SLC66A1: variants seen among roughly 807,000 people sequenced by gnomAD.
SLC66A1 encodes the protein lysosomal amino acid transporter 1 homolog.
Under a neutral mutation model 33.0 loss-of-function variants are expected in SLC66A1, and 23 were observed. The observed-to-expected ratio is 0.70, with a 90% CI of 0.50 to 0.99. SLC66A1 has a LOEUF of 0.99. SLC66A1 is among the 50% of genes least tolerant of loss of function. The pLI is 0.00. For missense variants in SLC66A1, 335 were observed against 383.6 expected, an observed-to-expected ratio of 0.87 and a Z score of 1.06; for synonymous variants, 164 against 175.5, an observed-to-expected ratio of 0.93 and a Z score of 0.52.
intron 1 of SLC66A1, chr1:19,313,276 C>A (rs2093787020): frequency 1.0e-6 from 1 of 983,254 alleles, no homozygotes; most frequent in Non-Finnish European, 1.2e-6. Flanking sequence ...AGCTTTCTCC[C>A]CTTCCTTTCT....
rs545528948 is a variant in SLC66A1 at position 19,327,121 on chromosome 1, T to G, written c.619-106T>G. 5 of 1,166,688 alleles carry G rather than the reference T, an allele frequency of 4.3e-6. No individual in the cohort carries two copies. In the African/African-American group the frequency reaches 7.7e-5, roughly 18 times the overall value. 72.3% of individuals were successfully genotyped at this position (1,166,688 alleles called of 1,614,324 possible). On this transcript the variant is annotated intron_variant, in intron 6 of 7. Coordinates refer to ENST00000375153, the MANE Select transcript of SLC66A1 (RefSeq NM_001040125.2). ...CCTGGGCACCCAGGGAAAGATTGGC[T>G]CAGAGCAGGTGCACTGTGGTGGGGC...
At chr1:19,313,018 C>T (rs1569715239) in intron 1 of SLC66A1, 129 bp downstream of exon 1, 1 of 167,146 alleles carries the variant, frequency 6.0e-6, no homozygotes, top group Non-Finnish European at 1.2e-5. Flanking sequence ...GGAGGGGCTA[C>T]AATGAGAACA....
downstream of SLC66A1, among the ~76,000 whole-genome samples, chr1:19,332,198 G>A (rs1455405306): frequency 6.6e-6 from 1 of 152,202 alleles, no homozygotes; most frequent in African/African-American, 2.4e-5. Context: ...CTGGAGGCAG[G>A]TGACGGGGAG....
intron 7 of SLC66A1, 31 bp downstream of exon 7, chr1:19,327,443 G>C: frequency 1.3e-6 from 2 of 1,569,222 alleles, no homozygotes; most frequent in Non-Finnish European, 8.7e-7. Flanking sequence ...GGCAGGTGGC[G>C]GGGTGTGGGC....
chr1:19,319,605 G>GTTTTTTTTTTGTTTTTTTTTTGTTTT (rs56769657), intron 2 of SLC66A1, among the ~76,000 whole-genome samples: 2 of 111,870 alleles, frequency 1.8e-5, no homozygotes, highest in African/African-American at 8.1e-5. Context: ...GCACATTCAT[G>GTTTTTTTTTTGTTTTTTTTTTGTTTT]TTTTTTTTTT....
In SLC66A1 at chr1:19,325,496, C is replaced by T. The variant is rs1184005502; in HGVS notation, c.296C>T (p.Thr99Ile). Residue 99 changes from threonine to isoleucine, a missense_variant and splice_region_variant, in exon 4 of 8, where the codon ACC (threonine) becomes ATC (isoleucine). Thr to Ile is a moderately conservative substitution (Grantham distance 89, BLOSUM62 -1). Coordinates refer to ENST00000375153, the MANE Select transcript of SLC66A1 (RefSeq NM_001040125.2). ...CTGGGCCCCCTGCATCTCTTACAGACCTACACGGCTGTGTATTATGTCTTG... is the reference window on the plus strand; with the variant it reads ...CTGGGCCCCCTGCATCTCTTACAGATCTACACGGCTGTGTATTATGTCTTG... Reference protein sequence around the residue: ...SFLADQLPLQTYTAVYYVLAD... With the variant: ...SFLADQLPLQIYTAVYYVLAD... 1 of 1,602,442 alleles carries T rather than the reference C, an allele frequency of 6.2e-7. No individual in the cohort carries two copies. Among genetic ancestry groups the T allele is most frequent in the Non-Finnish European group, 8.5e-7 (1 of 1,170,006 alleles).
chr1:19,322,156 A>G (rs2093841094), intron 2 of SLC66A1, among the ~76,000 whole-genome samples: 1 of 147,358 alleles, frequency 6.8e-6, no homozygotes, highest in South Asian at 2.2e-4. Context: ...AGCAAGCATC[A>G]GTGGTGGGGG....
intron 1 of SLC66A1, among the ~76,000 whole-genome samples, chr1:19,314,598 A>G (rs148704910): frequency 1.3e-5 from 2 of 152,304 alleles, no homozygotes; most frequent in African/African-American, 4.8e-5. Context: ...CTTTATGTGC[A>G]TTTAGTCAGG....
intron 3 of SLC66A1, 115 bp downstream of exon 3, chr1:19,324,877 C>A: frequency 7.2e-7 from 1 of 1,389,720 alleles, no homozygotes; most frequent in Non-Finnish European, 9.7e-7. Flanking sequence ...CCTGACCCGT[C>A]ATTCCATCTT....
In SLC66A1 at chr1:19,319,605, G is replaced by GTTTTTTTTTTT. The variant is rs569177720; in HGVS notation, c.164+1770_164+1780dup. Among the ~76,000 whole-genome samples the GTTTTTTTTTTT allele has an allele frequency of 2.1e-4, 23 of 111,852 alleles. 3 individuals are homozygous for GTTTTTTTTTTT. Among genetic ancestry groups the GTTTTTTTTTTT allele is most frequent in the African/African-American group, 4.4e-4 (11 of 24,840 alleles). The allele number at this position is 111,852 out of a possible 152,430, so 73.4% of individuals were successfully genotyped here. ...GATTAATGTTGCTGTGCACATTCAT[G>GTTTTTTTTTTT]TTTTTTTTTTTTTTTTGCCTGGTGC... On this transcript the variant is annotated intron_variant, in intron 2 of 7. Transcript: ENST00000375153.
At chr1:19,318,738 G>A (rs1336588306) in intron 2 of SLC66A1, among the ~76,000 whole-genome samples, 2 of 151,640 alleles carry the variant, frequency 1.3e-5, no homozygotes, top group Admixed American at 6.6e-5. Context: ...ACTTGAGGTC[G>A]GGAGTTTGAG....
chr1:19,326,189 C>A, intron 4 of SLC66A1, 56 bp from the exon 5 acceptor site: 4 of 1,547,236 alleles, frequency 2.6e-6, no homozygotes, highest in Admixed American at 1.7e-5. Flanking sequence ...CACCCTCCCC[C>A]GACAACCGCT....
In SLC66A1 at chr1:19,326,617, C is replaced by T. The variant is rs376496730; in HGVS notation, c.612C>T (p.Arg204=). ...TGCTTTCCCGGCTGCCTCAGATCCG[C>T]ACCAACGTGAGCCTCCAGCAGGGGC... ...LYLLSRLPQI[R]TNFLRKSTQG... The change falls in exon 6 of 8, where the codon CGC becomes CGT. Residue 204 remains arginine (R), a synonymous_variant. Coordinates refer to ENST00000375153, the MANE Select transcript of SLC66A1 (RefSeq NM_001040125.2). 5.2e-5 allele frequency: 84 copies of T among 1,614,158 alleles called. No individual in the cohort carries two copies. In the African/African-American group the frequency reaches 8.9e-4, roughly 17 times the overall value.
chr1:19,327,279 T>C lies in SLC66A1; in HGVS notation c.671T>C (p.Met224Thr). 1.2e-6 allele frequency: 2 copies of C among 1,613,966 alleles called. No homozygotes were observed. The highest frequency in any genetic ancestry group is 1.7e-6 in the Non-Finnish European group (2 of 1,179,942). ...TCCTACTCTCTGTTCGCGCTGGTGA[T>C]GCTGGGGAACACGCTGTATGGGCTG... The part of the protein sequence containing the change: ...GISYSLFALV[M>T]LGNTLYGLSV... The change falls in exon 7 of 8, where the codon ATG (methionine) becomes ACG (threonine). Residue 224 changes from methionine to threonine, a missense_variant. Transcript: ENST00000375153.
intron 4 of SLC66A1, 44 bp downstream of exon 4, chr1:19,325,626 A>AG: frequency 1.1e-6 from 1 of 921,226 alleles, no homozygotes; most frequent in Non-Finnish European, 1.6e-6. Context: ...TACCAGCAGC[A>AG]GGGGGCAGTT....
At chr1:19,325,409 C>T in intron 3 of SLC66A1, 86 bp from the exon 4 acceptor site, 1 of 924,714 alleles carries the variant, frequency 1.1e-6, no homozygotes, top group Admixed American at 1.9e-5. Context: ...CCGGGTCACC[C>T]AGCTGGGATA....
In SLC66A1 at chr1:19,319,605, G is replaced by GTT. The variant is rs569177720; in HGVS notation, c.164+1779_164+1780dup. Reference sequence around the variant, plus strand: ...GATTAATGTTGCTGTGCACATTCATGTTTTTTTTTTTTTTTTGCCTGGTGC... The same window carrying GTT: ...GATTAATGTTGCTGTGCACATTCATGTTTTTTTTTTTTTTTTTTGCCTGGTGC... On this transcript the variant is annotated intron_variant, in intron 2 of 7. Transcript: ENST00000375153. 1.6e-4 allele frequency among the ~76,000 whole-genome samples: 18 copies of GTT among 111,860 alleles called. 4 individuals carry two copies. The highest frequency in any genetic ancestry group is 2.8e-4 in the Admixed American group (3 of 10,578). 73.4% of individuals were successfully genotyped at this position (111,860 alleles called of 152,430 possible).
intron 2 of SLC66A1, among the ~76,000 whole-genome samples, chr1:19,323,596 G>A (rs768498173): frequency 6.6e-5 from 10 of 151,952 alleles, no homozygotes; most frequent in Middle Eastern, 3.4e-3. Flanking sequence ...TGGTAGAGAT[G>A]GGGTTTCACC....
intron 7 of SLC66A1, 57 bp downstream of exon 7, chr1:19,327,469 T>A (rs1202849491): frequency 3.9e-6 from 6 of 1,545,202 alleles, no homozygotes; most frequent in Non-Finnish European, 5.3e-6. Context: ...AGCTTCTGCC[T>A]GCACACAGCG....
Sources: gnomAD v4.1 joint callset for allele counts (sites outside exome capture counted in the v4.1 genomes callset) on GRCh38, gnomAD v4.1.1 for gene constraint, MANE v1.5 for transcripts, NCBI Gene and HGNC (gene_info 2026-07-23, HGNC 2026-07-21) for gene names.